Variants in ATF2 observed in about 807,000 individuals in gnomAD.
The protein encoded by ATF2 is activating transcription factor 2, also known as cyclic AMP-dependent transcription factor ATF-2.
ATF2 carries 24 observed loss-of-function variants against 60.6 expected under a neutral mutation model. The ratio of observed to expected loss-of-function variants is 0.40; its 90% confidence interval spans 0.29 to 0.56. The LOEUF is 0.56. Among genes scored for constraint, ATF2 ranks in the 20% least tolerant of loss-of-function variants. The pLI is 0.54. For synonymous variants in ATF2, 206 were observed against 215.4 expected (o/e 0.96, Z 0.38); for missense variants, 433 against 607.7 (o/e 0.71, Z 3.02).
chr2:175,117,867 A>C, intron 7 of ATF2, 123 bp downstream of exon 7: 3 of 1,099,786 alleles, frequency 2.7e-6, no homozygotes, highest in Non-Finnish European at 3.7e-6. Flanking sequence ...ACAGGCTTTC[A>C]CATATAAAAC....
At position 175,154,234 on chromosome 2, in the gene ATF2, A is replaced by AT. The variant is rs1553515951; in HGVS notation, c.-142-3077_-142-3076insA. Among the ~76,000 whole-genome samples, 1,034 of 131,636 alleles carry AT rather than the reference A, an allele frequency of 7.9e-3. 7 individuals carry two copies. The highest frequency in any genetic ancestry group is 0.049 in the East Asian group (219 of 4,498). 86.4% of individuals were successfully genotyped at this position (131,636 alleles called of 152,430 possible). A position where few individuals can be genotyped will look rare whatever the true frequency, so the allele number is the denominator to read the frequency against. The stretch of plus-strand genomic sequence containing the variant: ...CATCTCAAAAAGAAAAGAAAAAAAA[A>AT]ATATATATATATATATATTTTTTAC... On this transcript the variant is annotated intron_variant, in intron 1 of 13. Transcript: ENST00000264110.
At chr2:175,101,239 G>T (rs1695289987) in intron 10 of ATF2, among the ~76,000 whole-genome samples, 1 of 152,076 alleles carries the variant, frequency 6.6e-6, no homozygotes, top group Non-Finnish European at 1.5e-5. Context: ...AGTAGTAGCT[G>T]GCTAGAACCA....
At chr2:175,140,821 C>CA (rs113384509) in intron 2 of ATF2, among the ~76,000 whole-genome samples, 13,972 of 97,728 alleles carry the variant, frequency 0.14, 950 homozygotes, top group African/African-American at 0.25. Context: ...TGTCTCTATA[C>CA]AAAAAAAAAA....
At chr2:175,106,736 T>G (rs189473842) in intron 10 of ATF2, among the ~76,000 whole-genome samples, 1 of 152,182 alleles carries the variant, frequency 6.6e-6, no homozygotes, top group East Asian at 1.9e-4. Flanking sequence ...CTCGGGAGGC[T>G]GAGGCAGGAA....
chr2:175,163,201 G>A (rs1455042561), intron 1 of ATF2, among the ~76,000 whole-genome samples: 1 of 151,136 alleles, frequency 6.6e-6, no homozygotes, highest in East Asian at 1.9e-4. Context: ...AAACATACTA[G>A]CCCGAACAGT....
At chr2:175,136,774 A>G (rs1487566065) in intron 2 of ATF2, among the ~76,000 whole-genome samples, 3 of 152,178 alleles carry the variant, frequency 2.0e-5, no homozygotes, top group Non-Finnish European at 4.4e-5. Context: ...TTAAAAGAGT[A>G]AAAAAATCCT....
At chr2:175,130,348 C>T (rs1697642597) in intron 3 of ATF2, 141 bp from the exon 4 acceptor site, 2 of 503,998 alleles carry the variant, frequency 4.0e-6, no homozygotes, top group East Asian at 7.1e-5. Context: ...CATTTTAATT[C>T]TATCTTTCTT....
At chr2:175,077,069 T>C (rs1483124958) in intron 13 of ATF2, among the ~76,000 whole-genome samples, 2 of 151,614 alleles carry the variant, frequency 1.3e-5, no homozygotes, top group African/African-American at 4.8e-5. Context: ...GTCCTTGCAA[T>C]AGTTTGCTGA....
chr2:175,150,014 G>C (rs1184708157), intron 2 of ATF2, among the ~76,000 whole-genome samples: 2 of 152,112 alleles, frequency 1.3e-5, no homozygotes, highest in Non-Finnish European at 2.9e-5. Context: ...CACAGTTCCT[G>C]ACCTAATGGA....
chr2:175,083,462 G>C (rs1693913439), intron 12 of ATF2, among the ~76,000 whole-genome samples: 2 of 152,108 alleles, frequency 1.3e-5, no homozygotes, highest in Non-Finnish European at 2.9e-5. Flanking sequence ...AGCTGAAACT[G>C]GATCCCTTCC....
intron 1 of ATF2, among the ~76,000 whole-genome samples, chr2:175,156,195 A>G (rs1699665654): frequency 6.6e-6 from 1 of 151,878 alleles, no homozygotes; most frequent in African/African-American, 2.4e-5. Flanking sequence ...ACATGGTGAA[A>G]CCCCATCTCT....
At chr2:175,107,622 G>A (rs1695770106) in intron 10 of ATF2, among the ~76,000 whole-genome samples, 1 of 152,148 alleles carries the variant, frequency 6.6e-6, no homozygotes, top group Non-Finnish European at 1.5e-5. Context: ...CCGAGCCAAA[G>A]CTGGACTGTG....
Position 175,117,990 on chromosome 2 carries a change from C to T in ATF2, c.447G>A (p.Lys149=). The change falls in exon 7 of 14, where the codon AAG becomes AAA. Residue 149 remains lysine, a splice_region_variant and synonymous_variant. Coordinates refer to ENST00000264110, the MANE Select transcript of ATF2 (RefSeq NM_001880.4). ...CTTTGTATTTCTAAAAATTTCTAAC[C>T]TTCTCATCACTGGTAGTAGACTCTG... The part of the protein sequence containing the change: ...PHPESTTSDE[K]EVPLAQTAQP... The T allele has an allele frequency of 2.5e-6, 4 of 1,591,924 alleles. No homozygotes were observed. The highest frequency in any genetic ancestry group is 3.4e-6 in the Non-Finnish European group (4 of 1,172,442).
intron 1 of ATF2, among the ~76,000 whole-genome samples, chr2:175,166,259 T>C (rs370085699): frequency 5.8e-4 from 89 of 152,336 alleles, no homozygotes; most frequent in Admixed American, 1.4e-3. Context: ...TAAAACTTAA[T>C]GGCAGTAGCA....
intron 1 of ATF2, among the ~76,000 whole-genome samples, chr2:175,157,561 T>C (rs1699763498): frequency 6.6e-6 from 1 of 152,166 alleles, no homozygotes. Context: ...TAGATCCTAT[T>C]GATTGGTTGA....
At chr2:175,105,243 TA>T (rs1313989443) in intron 10 of ATF2, among the ~76,000 whole-genome samples, 2 of 152,110 alleles carry the variant, frequency 1.3e-5, no homozygotes, top group South Asian at 4.1e-4. Flanking sequence ...AATCTTATAT[TA>T]TTTTTTAAAA....
At chr2:175,109,488 A>T (rs1237507528) in intron 10 of ATF2, among the ~76,000 whole-genome samples, 1 of 152,214 alleles carries the variant, frequency 6.6e-6, no homozygotes, top group Non-Finnish European at 1.5e-5. Flanking sequence ...TATTCTTTTT[A>T]ATTTAATTTC....
chr2:175,132,442 A>G lies in ATF2; in HGVS notation c.33-2235T>C, dbSNP rs368177204. ...CTTTTTCTGCATCTATTCAGATACT[A>G]TTTTTTTCTCTTATTGTTTTAATGT... On this transcript the variant is annotated intron_variant, in intron 3 of 13. Transcript: ENST00000264110. 2.7e-4 allele frequency among the ~76,000 whole-genome samples: 41 copies of G among 152,212 alleles called. No homozygotes were observed. The South Asian group carries it at 8.5e-3, about 32-fold the overall frequency.
At chr2:175,101,484 G>T (rs1695308375) in intron 10 of ATF2, among the ~76,000 whole-genome samples, 1 of 152,182 alleles carries the variant, frequency 6.6e-6, no homozygotes, top group Non-Finnish European at 1.5e-5. Flanking sequence ...ACTAGAAGTA[G>T]AAATGTGAGG....
Sources: gnomAD v4.1 joint callset for allele counts (sites outside exome capture counted in the v4.1 genomes callset) on GRCh38, gnomAD v4.1.1 for gene constraint, MANE v1.5 for transcripts, NCBI Gene and HGNC (gene_info 2026-07-23, HGNC 2026-07-21) for gene names.